RUFY1: variants seen among roughly 807,000 people sequenced by gnomAD.
RUFY1 encodes the protein RUN and FYVE domain-containing protein 1.
RUFY1 carries 54 observed loss-of-function variants against 94.6 expected under a neutral mutation model. The ratio of observed to expected loss-of-function variants is 0.57; its 90% CI spans 0.46 to 0.72. The LOEUF (loss-of-function observed/expected upper bound fraction) is 0.72, where lower values mean the gene tolerates loss of function less well. Ranked by LOEUF, RUFY1 falls within the 30% of genes least tolerant of loss-of-function variation. The pLI is 0.00. For missense variants in RUFY1, 883 were observed against 883.9 expected, an observed-to-expected ratio of 1.00 and a Z score of 0.01; for synonymous variants, 396 against 347.3, an observed-to-expected ratio of 1.14 and a Z score of -1.56.
intron 8 of RUFY1, among the ~76,000 whole-genome samples, chr5:179,588,223 CAG>C (rs1024903255): frequency 1.4e-4 from 22 of 152,228 alleles, no homozygotes; most frequent in African/African-American, 5.3e-4. Flanking sequence ...GAGGAATTCT[CAG>C]GGGGTGTAGA....
intron 5 of RUFY1, among the ~76,000 whole-genome samples, chr5:179,575,075 G>A (rs539131913): frequency 2.7e-4 from 39 of 141,960 alleles, no homozygotes; most frequent in African/African-American, 8.3e-4. Flanking sequence ...TCCCACAGGT[G>A]ATGGTAAAGA....
intron 12 of RUFY1, among the ~76,000 whole-genome samples, chr5:179,595,518 A>G (rs938264027): frequency 6.6e-6 from 1 of 151,512 alleles, no homozygotes. Flanking sequence ...TAGGGCAGCT[A>G]CGGTTTCTTT....
chr5:179,590,629 C>T (rs1581514249), intron 9 of RUFY1, among the ~76,000 whole-genome samples: 2 of 151,340 alleles, frequency 1.3e-5, no homozygotes, highest in African/African-American at 4.8e-5. Context: ...GGACTACAGG[C>T]GCCTGCTACT....
intron 3 of RUFY1, among the ~76,000 whole-genome samples, chr5:179,564,058 T>C (rs1306391756): frequency 6.6e-6 from 1 of 151,828 alleles, no homozygotes. Context: ...ATACCCTTCC[T>C]GTCCAGCTCA....
chr5:179,568,252 A>T (rs1205512642), intron 4 of RUFY1, among the ~76,000 whole-genome samples: 5 of 152,220 alleles, frequency 3.3e-5, no homozygotes, highest in Non-Finnish European at 5.9e-5. Flanking sequence ...TCTCAAAATA[A>T]AAAATAAAAA....
chr5:179,608,192 G>A (rs1767312579), intron 17 of RUFY1: 1 of 595,742 alleles, frequency 1.7e-6, no homozygotes, highest in Non-Finnish European at 2.1e-6. Context: ...TAGGGGAAGA[G>A]TTGGGTATAA....
intron 1 of RUFY1, among the ~76,000 whole-genome samples, chr5:179,554,858 C>T (rs892727384): frequency 4.0e-5 from 6 of 151,160 alleles, no homozygotes; most frequent in Non-Finnish European, 8.9e-5. Flanking sequence ...ATCCCAGCTG[C>T]TCGGGAGGCT....
At chr5:179,585,895 A>G in intron 8 of RUFY1, 30 bp downstream of exon 8, 1 of 1,532,400 alleles carries the variant, frequency 6.5e-7, no homozygotes, top group Non-Finnish European at 9.0e-7. Flanking sequence ...ATTTTTAGAC[A>G]AAACAGAATG....
At chr5:179,559,055 A>T (rs1479162889) in intron 1 of RUFY1, among the ~76,000 whole-genome samples, 3 of 152,110 alleles carry the variant, frequency 2.0e-5, no homozygotes, top group Non-Finnish European at 4.4e-5. Flanking sequence ...AAACAATACG[A>T]TCCCCCGCCC....
intron 5 of RUFY1, among the ~76,000 whole-genome samples, chr5:179,574,868 G>A (rs1270181346): frequency 6.6e-6 from 1 of 151,940 alleles, no homozygotes; most frequent in Non-Finnish European, 1.5e-5. Context: ...ATTGATTTTT[G>A]CTTTGGGTAT....
intron 9 of RUFY1, among the ~76,000 whole-genome samples, chr5:179,590,180 C>T (rs569947100): frequency 1.2e-4 from 18 of 152,044 alleles, no homozygotes; most frequent in African/African-American, 3.9e-4. Context: ...AGTGAAACCC[C>T]GTCTCTACTA....
intron 17 of RUFY1, among the ~76,000 whole-genome samples, chr5:179,609,161 C>T (rs539703824): frequency 5.6e-5 from 8 of 143,412 alleles, no homozygotes; most frequent in East Asian, 4.4e-4. Context: ...GAGCTGAGAT[C>T]GCGCCACTGC....
intron 6 of RUFY1, among the ~76,000 whole-genome samples, chr5:179,578,468 G>A (rs372672566): frequency 6.6e-5 from 10 of 151,398 alleles, no homozygotes; most frequent in Non-Finnish European, 1.2e-4. Context: ...ATCCACCTGC[G>A]TCGGCCTCCC....
chr5:179,562,412 G>T (rs1354838386), intron 2 of RUFY1, 135 bp from the exon 3 acceptor site: 1 of 660,256 alleles, frequency 1.5e-6, no homozygotes, highest in African/African-American at 1.8e-5. Flanking sequence ...TCTCAAAAAA[G>T]ATTTTTAAAA....
chr5:179,567,046 CTA>C (rs1342362511), intron 3 of RUFY1, among the ~76,000 whole-genome samples: 2 of 151,910 alleles, frequency 1.3e-5, no homozygotes, highest in East Asian at 1.9e-4. Context: ...AGGCAAGACT[CTA>C]TCTCAAAAAA....
At chr5:179,559,786 C>T (rs990443732) in intron 1 of RUFY1, 6 of 1,272,366 alleles carry the variant, frequency 4.7e-6, no homozygotes, top group Non-Finnish European at 6.0e-6. Context: ...GGAGAGGCCT[C>T]TGGAGCAGGA....
intron 2 of RUFY1, among the ~76,000 whole-genome samples, chr5:179,561,512 G>A (rs1424903732): frequency 2.0e-5 from 3 of 151,686 alleles, no homozygotes; most frequent in African/African-American, 7.3e-5. Context: ...AGATTGTAAT[G>A]GTGGGGAGGT....
At position 179,550,825 on chromosome 5, in the gene RUFY1, CGCGCGGCCGCGGGGCTGG is replaced by C; in HGVS notation, c.260_277del (p.Ala87_Gly92del). The C allele has an allele frequency of 8.0e-7, 1 of 1,252,744 alleles. No individual in the cohort carries two copies. The highest frequency in any genetic ancestry group is 1.0e-6 in the Non-Finnish European group (1 of 1,002,890). The allele number at this position is 1,252,744 out of a possible 1,614,324, so 77.6% of individuals were successfully genotyped here. The stretch of plus-strand genomic sequence containing the variant: ...GTCGGCGAGCTGCGGGAGCGCGCTG[CGCGCGGCCGCGGGGCTGG>C]GCGGCGGGGACAGCGGGGACGGCAC... On this transcript the variant is annotated inframe_deletion, in exon 1 of 18. Transcript: ENST00000319449.
At chr5:179,563,189 A>G (rs1245344345) in intron 3 of RUFY1, among the ~76,000 whole-genome samples, 1 of 152,176 alleles carries the variant, frequency 6.6e-6, no homozygotes, top group African/African-American at 2.4e-5. Flanking sequence ...CCTTGAGCCA[A>G]TGCAAAAGAA....
Sources: allele counts gnomAD v4.1 joint callset (sites outside exome capture counted in the v4.1 genomes callset), GRCh38; gene constraint gnomAD v4.1.1; transcripts MANE v1.5; gene names NCBI Gene and HGNC (gene_info 2026-07-23, HGNC 2026-07-21).